Variants in ZNF469 observed in about 807,000 individuals in gnomAD.
The protein encoded by ZNF469 is zinc finger protein 469.
Under a neutral mutation model 1.0 loss-of-function variants are expected in ZNF469, and 1 was observed. That is an observed-to-expected ratio of 1.00 (90% CI 0.35 to 4.73). The LOEUF is 4.73. ZNF469 is among the 30% of genes most tolerant of loss of function. ZNF469 has a pLI of 0.16. For missense variants in ZNF469, 6,100 were observed against 5,356.3 expected (o/e 1.14, Z -4.33); for synonymous variants, 2,703 against 2,363.4 (o/e 1.14, Z -4.17).
rs1044843237 is a variant in ZNF469, at chr16:88,437,928, C to T, written c.10458C>T (p.Pro3486=). 1.3e-6 allele frequency: 2 copies of T among 1,540,148 alleles called. No individual in the cohort carries two copies. Among genetic ancestry groups the T allele is most frequent in the East Asian group, 2.5e-5 (1 of 40,654 alleles). Residue 3486 remains proline, a synonymous_variant, in exon 3 of 3, where the codon CCC becomes CCT. Coordinates refer to ENST00000565624, the MANE Select transcript of ZNF469 (RefSeq NM_001367624.2). The part of the protein sequence containing the change: ...RVAMPGSAPG[P]GEDRPPPRGS... ...CCATGCCCGGCAGTGCCCCTGGGCC[C>T]GGCGAGGACAGGCCTCCTCCCCGGG... is the stretch of plus-strand genomic sequence containing the variant.
the ZNF469 span, among the ~76,000 whole-genome samples, chr16:88,206,341 G>A: frequency 5.9e-5 from 9 of 152,346 alleles, no homozygotes; most frequent in Admixed American, 5.2e-4. Context: ...CTGAGTGCAG[G>A]AGGCTGTGGG....
At chr16:88,360,532 A>C in the ZNF469 span, among the ~76,000 whole-genome samples, 1 of 80,158 alleles carries the variant, frequency 1.2e-5, no homozygotes, top group Non-Finnish European at 2.3e-5. Context: ...CAGCGCCTGC[A>C]TGCTCCCTCA....
the ZNF469 span, among the ~76,000 whole-genome samples, chr16:88,132,785 C>G: frequency 3.9e-5 from 6 of 152,202 alleles, no homozygotes; most frequent in African/African-American, 1.4e-4. Flanking sequence ...TGTCAGCCCA[C>G]GCTTCCTCTT....
At chr16:88,394,255 G>A (rs975223238) in intron 1 of ZNF469, among the ~76,000 whole-genome samples, 1 of 151,644 alleles carries the variant, frequency 6.6e-6, no homozygotes, top group Non-Finnish European at 1.5e-5. Context: ...GGTTTGACAC[G>A]TCTACACCTG....
chr16:88,182,030 A>T, the ZNF469 span, among the ~76,000 whole-genome samples: 1 of 152,262 alleles, frequency 6.6e-6, no homozygotes, highest in African/African-American at 2.4e-5. Context: ...ACATTTAGCA[A>T]AGTTGCTGGA....
rs768501538 is a variant in ZNF469 at position 88,431,388 on chromosome 16, G to A, written c.3918G>A (p.Gly1306=). The A allele has an allele frequency of 7.2e-5, 111 of 1,549,996 alleles. No homozygotes were observed. Among genetic ancestry groups the A allele is most frequent in the Non-Finnish European group, 9.6e-5 (110 of 1,146,974 alleles). Residue 1306 remains glycine, a synonymous_variant, in exon 3 of 3, where the codon GGG becomes GGA. Coordinates refer to ENST00000565624, the MANE Select transcript of ZNF469 (RefSeq NM_001367624.2). ...TGGGCAGCCTGCTGGGTGGTCCTGG[G>A]GGCACACAGGCCCCAGTCTCCCACA... is the stretch of plus-strand genomic sequence containing the variant. ...PGVGSLLGGP[G]GTQAPVSHNS...
chr16:88,310,093 C>T, the ZNF469 span, among the ~76,000 whole-genome samples: 4 of 152,238 alleles, frequency 2.6e-5, no homozygotes, highest in South Asian at 8.3e-4. Flanking sequence ...GCAGGGGTGC[C>T]CTCCAGTGGT....
chr16:88,398,679 TGAG>T (rs1904769260), intron 1 of ZNF469, among the ~76,000 whole-genome samples: 3 of 84,328 alleles, frequency 3.6e-5, no homozygotes, highest in African/African-American at 2.0e-4. Flanking sequence ...AGGGGACACG[TGAG>T]CCACAGGTGG....
chr16:88,396,290 T>C (rs1039293505), intron 1 of ZNF469, among the ~76,000 whole-genome samples: 7 of 152,262 alleles, frequency 4.6e-5, no homozygotes, highest in Non-Finnish European at 8.8e-5. Flanking sequence ...TGTCTTCATC[T>C]CCTGGCTCTG....
At chr16:88,410,721 T>A (rs905823655) in intron 1 of ZNF469, among the ~76,000 whole-genome samples, 20 of 149,778 alleles carry the variant, frequency 1.3e-4, no homozygotes, top group African/African-American at 4.5e-4. Context: ...ACGTCTATGA[T>A]GCCGTTGATG....
chr16:88,269,959 T>C, the ZNF469 span, among the ~76,000 whole-genome samples: 1 of 151,896 alleles, frequency 6.6e-6, no homozygotes, highest in South Asian at 2.1e-4. Context: ...TAGAGCAGAG[T>C]GTTTTCTAGA....
chr16:88,418,877 GAAAT>G (rs988069412), intron 1 of ZNF469, among the ~76,000 whole-genome samples: 19 of 152,260 alleles, frequency 1.2e-4, no homozygotes, highest in Non-Finnish European at 2.1e-4. Flanking sequence ...GAATGTTTGT[GAAAT>G]AAATGTCAGG....
the ZNF469 span, among the ~76,000 whole-genome samples, chr16:88,345,913 C>T: frequency 6.6e-6 from 1 of 152,146 alleles, no homozygotes; most frequent in African/African-American, 2.4e-5. Context: ...CCTGCTCCCT[C>T]GTCGAATATC....
Position 88,439,514 on chromosome 16 carries a change from T to A in ZNF469, c.*182T>A, listed in dbSNP as rs1906856078. 1 of 689,522 alleles carries A rather than the reference T, an allele frequency of 1.5e-6. No homozygotes were observed. The highest frequency in any genetic ancestry group is 2.4e-6 in the Non-Finnish European group (1 of 412,668). The allele number at this position is 689,522 out of a possible 1,614,324, so 42.7% of individuals were successfully genotyped here. A position where few individuals can be genotyped will look rare whatever the true frequency, so the allele number is the denominator to read the frequency against. ...TGAACAGGGCCCAGGTGGGCAGCAT[T>A]CCCTTTCTTGCTGGAAGGCTGGGGG... On this transcript the variant is annotated 3_prime_UTR_variant, in exon 3 of 3. Transcript: ENST00000565624.
chr16:88,428,126 T>C lies in ZNF469; in HGVS notation c.656T>C (p.Leu219Pro). Residue 219 changes from leucine to proline, a missense_variant, in exon 3 of 3, where the codon CTC becomes CCC. Physicochemically the swap from Leu to Pro is moderately conservative, Grantham distance 98 (BLOSUM62 -3). Coordinates refer to ENST00000565624, the MANE Select transcript of ZNF469 (RefSeq NM_001367624.2). ...CCCCAGAGCAGGGGCACCAGCCCCC[T>C]CCAGCCCGGTTCCTATCCCGAATAC... ...GPPQSRGTSPLQPGSYPEYQA... is the reference protein window; with the variant it reads ...GPPQSRGTSPPQPGSYPEYQA... 1 of 1,549,680 alleles carries C rather than the reference T, an allele frequency of 6.5e-7. No individual in the cohort carries two copies. The highest frequency in any genetic ancestry group is 8.7e-7 in the Non-Finnish European group (1 of 1,146,720).
chr16:88,227,901 T>C, the ZNF469 span, among the ~76,000 whole-genome samples: 2 of 151,952 alleles, frequency 1.3e-5, no homozygotes, highest in Non-Finnish European at 1.5e-5. Context: ...TCCATTATTA[T>C]GGGACCTTGG....
the ZNF469 span, among the ~76,000 whole-genome samples, chr16:88,254,722 C>T: frequency 6.6e-6 from 1 of 152,144 alleles, no homozygotes; most frequent in African/African-American, 2.4e-5. Context: ...TGCATCATTG[C>T]ACTCCAGCCT....
At chr16:88,160,681 G>A in the ZNF469 span, among the ~76,000 whole-genome samples, 4 of 152,208 alleles carry the variant, frequency 2.6e-5, no homozygotes, top group East Asian at 1.9e-4. Context: ...TGTGCCTCCC[G>A]CTGTTGTTAG....
the ZNF469 span, among the ~76,000 whole-genome samples, chr16:88,113,526 G>T: frequency 1.3e-5 from 2 of 152,202 alleles, no homozygotes; most frequent in Admixed American, 6.5e-5. Flanking sequence ...GACGCAGGAC[G>T]TGAGGACCTG....
Sources: gnomAD v4.1 joint callset for allele counts (sites outside exome capture counted in the v4.1 genomes callset) on GRCh38, gnomAD v4.1.1 for gene constraint, MANE v1.5 for transcripts, NCBI Gene and HGNC (gene_info 2026-07-23, HGNC 2026-07-21) for gene names.